CHD6: variants seen among roughly 807,000 people sequenced by gnomAD.
CHD6 encodes the protein ATP-dependent chromatin remodeler CHD6.
A neutral mutation model predicts 276.9 loss-of-function variants in CHD6; 50 were observed. The observed-to-expected ratio is 0.18, with a 90% CI of 0.14 to 0.23. The LOEUF (loss-of-function observed/expected upper bound fraction) is 0.23. Ranked by LOEUF, CHD6 falls within the 10% of genes least tolerant of loss-of-function variation. CHD6 has a pLI of 1.00. For synonymous variants in CHD6, 1,173 were observed against 1,229.3 expected, an observed-to-expected ratio of 0.95 and a Z score of 0.96; for missense variants, 2,564 against 3,365.8, an observed-to-expected ratio of 0.76 and a Z score of 5.89.
chr20:41,465,177 A>C (rs1275954387), intron 17 of CHD6, among the ~76,000 whole-genome samples: 1 of 152,210 alleles, frequency 6.6e-6, no homozygotes, highest in Non-Finnish European at 1.5e-5. Context: ...AGGATGAAAA[A>C]CAGGATAGAG....
intron 1 of CHD6, among the ~76,000 whole-genome samples, chr20:41,563,560 G>T (rs11086807): frequency 0.056 from 8,452 of 152,142 alleles, 758 homozygotes; most frequent in East Asian, 0.44. Context: ...TTCAAGAGGA[G>T]AAATACCAAC....
chr20:41,529,489 G>A (rs184902991), intron 3 of CHD6, among the ~76,000 whole-genome samples: 178 of 152,232 alleles, frequency 1.2e-3, no homozygotes, highest in Non-Finnish European at 2.3e-3. Context: ...ACAGGGCTAT[G>A]GAAGTTCAGA....
At chr20:41,504,408 T>TC (rs1389398395) in intron 5 of CHD6, among the ~76,000 whole-genome samples, 1 of 84,532 alleles carries the variant, frequency 1.2e-5, no homozygotes, top group African/African-American at 4.1e-5. Flanking sequence ...ATTTTCTTTT[T>TC]TTTTTTTTTT....
At chr20:41,598,991 C>T (rs528445114) in intron 1 of CHD6, among the ~76,000 whole-genome samples, 8 of 152,298 alleles carry the variant, frequency 5.3e-5, no homozygotes, top group Non-Finnish European at 1.2e-4. Flanking sequence ...TAGATGCCAT[C>T]GGAGTTCCAC....
intron 1 of CHD6, among the ~76,000 whole-genome samples, chr20:41,562,109 A>G (rs944860942): frequency 6.6e-5 from 10 of 151,806 alleles, no homozygotes; most frequent in African/African-American, 2.4e-4. Context: ...ATTTACAACA[A>G]AACAAAAAAA....
At chr20:41,541,796 C>CAA (rs1049976427) in intron 2 of CHD6, among the ~76,000 whole-genome samples, 2 of 152,198 alleles carry the variant, frequency 1.3e-5, no homozygotes, top group Non-Finnish European at 2.9e-5. Flanking sequence ...AAAACCTTTC[C>CAA]ACCCCCAAAT....
chr20:41,440,123 T>G lies in CHD6; in HGVS notation c.3884A>C (p.Glu1295Ala). The G allele has an allele frequency of 6.2e-7, 1 of 1,613,968 alleles. No individual in the cohort carries two copies. The highest frequency in any genetic ancestry group is 1.3e-5 in the African/African-American group (1 of 75,044). ...LLIGVFKHGY[E>A]RYNAMRADPA... ...GTCTGCTCGCATGGCATTGTACCTT[T>G]CATAACCTGATCAAGAGTGGTGAGA... Residue 1295 changes from glutamate to alanine, a missense_variant, in exon 26 of 37, where the codon GAA becomes GCA. Physicochemically the swap from Glu to Ala is moderately radical, Grantham distance 107. Coordinates refer to ENST00000373233, the MANE Select transcript of CHD6 (RefSeq NM_032221.5).
chr20:41,533,613 T>C (rs2044746803), intron 2 of CHD6, 43 bp from the exon 3 acceptor site: 3 of 1,512,548 alleles, frequency 2.0e-6, no homozygotes, highest in Non-Finnish European at 2.7e-6. Flanking sequence ...TTCCAATTCA[T>C]GCTTCAGACA....
At chr20:41,534,142 C>A (rs6072406) in intron 2 of CHD6, among the ~76,000 whole-genome samples, 72,264 of 152,062 alleles carry the variant, frequency 0.48, 18,609 homozygotes, top group African/African-American at 0.68. Context: ...CTTCACAACA[C>A]AGCTAAGGTT....
chr20:41,441,357 C>T (rs1367627664), intron 25 of CHD6, among the ~76,000 whole-genome samples: 2 of 152,162 alleles, frequency 1.3e-5, no homozygotes, highest in African/African-American at 4.8e-5. Flanking sequence ...AGAAGAACCA[C>T]TCTCACCCTT....
intron 2 of CHD6, among the ~76,000 whole-genome samples, chr20:41,540,833 T>A (rs753216960): frequency 6.6e-5 from 10 of 152,192 alleles, no homozygotes; most frequent in Non-Finnish European, 1.5e-4. Context: ...CTATGTTTTT[T>A]TAAAGTTCAA....
chr20:41,483,017 A>G (rs1222880776), intron 16 of CHD6, among the ~76,000 whole-genome samples: 1 of 152,150 alleles, frequency 6.6e-6, no homozygotes, highest in East Asian at 1.9e-4. Flanking sequence ...TTCTAATGCT[A>G]TTTGAATTAT....
chr20:41,403,283 G>A lies in CHD6; in HGVS notation c.*1310C>T, dbSNP rs1290393566. On this transcript the variant is annotated 3_prime_UTR_variant, in exon 37 of 37. Transcript: ENST00000373233. ...CTGCGCCCCCAGAGTACTGAACCAT[G>A]AGCTTACTTCAAGTCTCAGAGTGTG... is the stretch of plus-strand genomic sequence containing the variant. 2.8e-6 allele frequency: 3 copies of A among 1,062,750 alleles called. No individual in the cohort carries two copies. In the African/African-American group the frequency reaches 4.9e-5, roughly 17 times the overall value. 65.8% of individuals were successfully genotyped at this position (1,062,750 alleles called of 1,614,324 possible).
At chr20:41,553,634 G>A (rs116451318) in intron 1 of CHD6, among the ~76,000 whole-genome samples, 73 of 152,368 alleles carry the variant, frequency 4.8e-4, no homozygotes, top group African/African-American at 1.7e-3. Context: ...ATCCAAATGT[G>A]TAAGGGATAA....
In CHD6 at chr20:41,437,329, T is replaced by C. The variant is rs1241616797; in HGVS notation, c.4013A>G (p.Asn1338Ser). Reference sequence around the variant, plus strand: ...CTCAGCATTGTCTTCTTTATCTGTGTTGCCTCTAAATAAAAGTAAAAAAAG... The same window carrying C: ...CTCAGCATTGTCTTCTTTATCTGTGCTGCCTCTAAATAAAAGTAAAAAAAG... ...DGTSDIPERG[N>S]TDKEDNAEDK... Residue 1338 changes from asparagine (N) to serine (S), a missense_variant, in exon 27 of 37, where the codon AAC (asparagine) becomes AGC (serine). Asn to Ser is a conservative substitution (Grantham distance 46, BLOSUM62 1). Coordinates refer to ENST00000373233, the MANE Select transcript of CHD6 (RefSeq NM_032221.5). 1 of 1,611,724 alleles carries C rather than the reference T, an allele frequency of 6.2e-7. No individual in the cohort carries two copies. Among genetic ancestry groups the C allele is most frequent in the Non-Finnish European group, 8.5e-7 (1 of 1,178,980 alleles).
At chr20:41,586,658 G>C (rs1473785415) in intron 1 of CHD6, among the ~76,000 whole-genome samples, 1 of 152,150 alleles carries the variant, frequency 6.6e-6, no homozygotes, top group Non-Finnish European at 1.5e-5. Flanking sequence ...ATTTATCCTA[G>C]GAATGCAAGA....
chr20:41,437,255 T>A lies in CHD6; in HGVS notation c.4068+19A>T. 6.3e-7 allele frequency: 1 copy of A among 1,593,366 alleles called. No individual in the cohort carries two copies. ...TATGAAAGACGGTGTAAATGACCAA[T>A]ACTGCACATTTGACTCACCGTTTGT... On this transcript the variant is annotated intron_variant, in intron 27 of 36. Coordinates refer to ENST00000373233, the MANE Select transcript of CHD6 (RefSeq NM_032221.5).
rs2046557524 is a variant in CHD6 at position 41,402,225 on chromosome 20, G to C, written c.*2368C>G. ...GATGAAAAGGCTCAAGTTTGCTGAA[G>C]AGAGTTTAAATTTGGCTTTTGCTCT... On this transcript the variant is annotated 3_prime_UTR_variant, in exon 37 of 37. Transcript: ENST00000373233. The C allele has an allele frequency of 4.5e-6, 1 of 220,284 alleles. No homozygotes were observed. The highest frequency in any genetic ancestry group is 9.1e-6 in the Non-Finnish European group (1 of 109,888). 13.6% of individuals were successfully genotyped at this position (220,284 alleles called of 1,614,324 possible).
chr20:41,550,240 A>G, intron 2 of CHD6, among the ~76,000 whole-genome samples: 1 of 152,212 alleles, frequency 6.6e-6, no homozygotes, highest in South Asian at 2.1e-4. Flanking sequence ...AAGCCTTTAT[A>G]CACACAGTTT....
Sources: gnomAD v4.1 joint callset for allele counts (sites outside exome capture counted in the v4.1 genomes callset) on GRCh38, gnomAD v4.1.1 for gene constraint, MANE v1.5 for transcripts, NCBI Gene and HGNC (gene_info 2026-07-23, HGNC 2026-07-21) for gene names.